Variants in PLEKHG1 observed in about 807,000 individuals in gnomAD.
PLEKHG1 encodes the protein pleckstrin homology and RhoGEF domain containing G1.
PLEKHG1 carries 44 observed loss-of-function variants against 100.8 expected under a neutral mutation model. That is an observed-to-expected ratio of 0.44 (90% CI 0.34 to 0.56). PLEKHG1 has a LOEUF of 0.56. Ranked by LOEUF, PLEKHG1 falls within the 20% of genes least tolerant of loss-of-function variation. The pLI is 0.01. For missense variants in PLEKHG1, 1,545 were observed against 1,720.9 expected, an observed-to-expected ratio of 0.90 and a Z score of 1.81; for synonymous variants, 640 against 662.5, an observed-to-expected ratio of 0.97 and a Z score of 0.52.
At chr6:150,752,281 G>GTT (rs1429113615) in intron 2 of PLEKHG1, among the ~76,000 whole-genome samples, 7 of 152,122 alleles carry the variant, frequency 4.6e-5, no homozygotes, top group African/African-American at 1.4e-4. Flanking sequence ...TTTTCATTGT[G>GTT]GGAAGACATA....
intron 12 of PLEKHG1, among the ~76,000 whole-genome samples, chr6:150,820,437 C>T (rs1776231250): frequency 1.3e-5 from 2 of 152,148 alleles, no homozygotes; most frequent in Non-Finnish European, 2.9e-5. Flanking sequence ...TGTCTTAGTT[C>T]AGACAGGTTT....
chr6:150,678,074 A>ATATATATAT (rs1325386128), intron 3 of PLEKHG1, among the ~76,000 whole-genome samples: 2 of 128,068 alleles, frequency 1.6e-5, no homozygotes, highest in East Asian at 2.4e-4. Flanking sequence ...ATATATATAT[A>ATATATATAT]TATATATATA....
At chr6:150,801,125 G>A (rs1214924224) in intron 6 of PLEKHG1, among the ~76,000 whole-genome samples, 3 of 152,188 alleles carry the variant, frequency 2.0e-5, no homozygotes, top group Non-Finnish European at 4.4e-5. Flanking sequence ...CTCGCCCTGT[G>A]CACTGACAGT....
rs200746163 is a variant in PLEKHG1, at chr6:150,830,733, C to G, written c.1622C>G (p.Ala541Gly). 5.0e-6 allele frequency: 8 copies of G among 1,614,056 alleles called. No homozygotes were observed. The Admixed American group carries it at 5.0e-5, about 10-fold the overall frequency. The change falls in exon 15 of 16, where the codon GCC (alanine) becomes GGC (glycine). Residue 541 changes from alanine to glycine, a missense_variant. Physicochemically the swap from Ala to Gly is moderately conservative, Grantham distance 60. Coordinates refer to ENST00000358517, the Ensembl canonical transcript of PLEKHG1. ...TGGACCGATCACCAGATCAGGCAAGCCTTGTTTCCCAGCCGACGGTCCCCG... is the reference window on the plus strand; with the variant it reads ...TGGACCGATCACCAGATCAGGCAAGGCTTGTTTCCCAGCCGACGGTCCCCG...
chr6:150,805,257 T>C (rs980780977), intron 7 of PLEKHG1, among the ~76,000 whole-genome samples: 4 of 152,194 alleles, frequency 2.6e-5, no homozygotes, highest in Non-Finnish European at 2.9e-5. Context: ...TTTAAGCTAA[T>C]TGTTTGCTTA....
exon 12 of PLEKHG1, chr6:150,819,756 C>T (rs144621364): frequency 2.1e-5 from 33 of 1,602,108 alleles, no homozygotes; most frequent in South Asian, 1.8e-4. Flanking sequence ...TGCTCCATAT[C>T]GGCTGAGAAG....
chr6:150,742,604 G>A (rs1171354363), intron 2 of PLEKHG1, among the ~76,000 whole-genome samples: 1 of 143,380 alleles, frequency 7.0e-6, no homozygotes, highest in Non-Finnish European at 1.5e-5. Context: ...AGCGCAGGGA[G>A]GGCCCGCACA....
chr6:150,695,807 T>C (rs1780521483), intron 3 of PLEKHG1, among the ~76,000 whole-genome samples: 1 of 152,226 alleles, frequency 6.6e-6, no homozygotes, highest in Admixed American at 6.5e-5. Context: ...TCATGAGCTG[T>C]ATTTCTGGTT....
intron 3 of PLEKHG1, among the ~76,000 whole-genome samples, chr6:150,784,713 T>C (rs558966130): frequency 1.3e-5 from 2 of 152,222 alleles, no homozygotes; most frequent in South Asian, 4.1e-4. Context: ...ACAAGATTGA[T>C]ACTTCTGGCA....
At chr6:150,780,568 A>G (rs1053517717) in intron 3 of PLEKHG1, among the ~76,000 whole-genome samples, 2 of 152,194 alleles carry the variant, frequency 1.3e-5, no homozygotes, top group African/African-American at 2.4e-5. Context: ...AGATAACTTT[A>G]CCATGACATA....
At chr6:150,832,334 AC>A in intron 15 of PLEKHG1, 129 bp downstream of exon 16, 1 of 723,794 alleles carries the variant, frequency 1.4e-6, no homozygotes, top group Non-Finnish European at 2.2e-6. Context: ...TCAAAGTAAG[AC>A]CACAGACAAA....
At chr6:150,779,981 T>G (rs1240098487) in intron 3 of PLEKHG1, among the ~76,000 whole-genome samples, 1 of 149,996 alleles carries the variant, frequency 6.7e-6, no homozygotes, top group Non-Finnish European at 1.5e-5. Flanking sequence ...AAGAAAGAAA[T>G]AACATGATGG....
chr6:150,599,978 T>C (rs1776260073), exon 1 of PLEKHG1: 1 of 231,960 alleles, frequency 4.3e-6, no homozygotes, highest in South Asian at 3.9e-5. Context: ...CCGCCCGACC[T>C]GCGAGCGCCG....
At chr6:150,646,478 A>G (rs1015732021) in intron 2 of PLEKHG1, among the ~76,000 whole-genome samples, 1 of 152,140 alleles carries the variant, frequency 6.6e-6, no homozygotes, top group African/African-American at 2.4e-5. Context: ...TGCGAATGCC[A>G]GAAGGAGGGT....
chr6:150,841,816 C>T (rs1255964741), exon 16 of PLEKHG1: 1 of 152,196 alleles, frequency 6.6e-6, no homozygotes, highest in Non-Finnish European at 1.5e-5. Flanking sequence ...TCAGACAAAG[C>T]ACTTTAAATT....
intron 1 of PLEKHG1, among the ~76,000 whole-genome samples, chr6:150,618,608 G>A (rs2101665): frequency 1.3e-5 from 2 of 152,104 alleles, no homozygotes; most frequent in Non-Finnish European, 2.9e-5. Flanking sequence ...ATAGTAAAAT[G>A]CAGGGAAATA....
intron 2 of PLEKHG1, among the ~76,000 whole-genome samples, chr6:150,761,207 G>T (rs781139667): frequency 2.1e-5 from 3 of 146,276 alleles, no homozygotes; most frequent in Non-Finnish European, 4.5e-5. Context: ...CTGGGTTCAA[G>T]CGATTCTCCT....
intron 2 of PLEKHG1, among the ~76,000 whole-genome samples, chr6:150,762,407 C>T (rs138894273): frequency 6.6e-6 from 1 of 151,878 alleles, no homozygotes; most frequent in Non-Finnish European, 1.5e-5. Context: ...CCATGTTGGC[C>T]AGGCTGGTTT....
intron 2 of PLEKHG1, among the ~76,000 whole-genome samples, chr6:150,750,780 C>CA (rs1158670858): frequency 0.15 from 5,087 of 34,752 alleles, 505 homozygotes; most frequent in African/African-American, 0.23. Context: ...GACTCCATCT[C>CA]AAAAAAAAAA....
Sources: allele counts gnomAD v4.1 joint callset (sites outside exome capture counted in the v4.1 genomes callset), GRCh38; gene constraint gnomAD v4.1.1; transcripts MANE v1.5; gene names NCBI Gene and HGNC (gene_info 2026-07-23, HGNC 2026-07-21).